The following SNX25 variants were observed in gnomAD, a reference collection of about 807,000 sequenced individuals.
The protein encoded by SNX25 is sorting nexin-25.
A neutral mutation model predicts 113.7 loss-of-function variants in SNX25; 62 were observed. The observed-to-expected ratio is 0.55, with a 90% confidence interval of 0.44 to 0.67. The LOEUF (loss-of-function observed/expected upper bound fraction) is 0.67, where lower values mean the gene tolerates loss of function less well. Among genes scored for constraint, SNX25 ranks in the 30% least tolerant of loss-of-function variants. The pLI, the probability that SNX25 is intolerant of heterozygous loss-of-function variation, is 0.00. For synonymous variants in SNX25, 421 were observed against 436.2 expected, an observed-to-expected ratio of 0.97 and a Z score of 0.43; for missense variants, 1,014 against 1,161.0, an observed-to-expected ratio of 0.87 and a Z score of 1.84.
intron 1 of SNX25, among the ~76,000 whole-genome samples, chr4:185,234,980 C>T (rs1210072441): frequency 2.6e-5 from 4 of 152,156 alleles, no homozygotes; most frequent in Non-Finnish European, 5.9e-5. Context: ...ATGTAATATG[C>T]TTTTGTCATG....
At chr4:185,296,622 C>T (rs1338337867) in intron 6 of SNX25, among the ~76,000 whole-genome samples, 1 of 151,880 alleles carries the variant, frequency 6.6e-6, no homozygotes, top group Non-Finnish European at 1.5e-5. Flanking sequence ...TAATTGAAAT[C>T]ATAGAACTAA....
At chr4:185,375,769 T>C in the SNX25 span, 6 of 1,357,800 alleles carry the variant, frequency 4.4e-6, no homozygotes, top group African/African-American at 5.8e-5. Flanking sequence ...TATTATGATC[T>C]TAAAGTAATC....
At chr4:185,242,760 C>G (rs149178230) in intron 1 of SNX25, among the ~76,000 whole-genome samples, 1 of 152,254 alleles carries the variant, frequency 6.6e-6, no homozygotes, top group East Asian at 1.9e-4. Context: ...GCAGGGGCCC[C>G]TGAGAGTAGA....
chr4:185,228,779 T>C (rs1741386920), intron 1 of SNX25, among the ~76,000 whole-genome samples: 1 of 152,216 alleles, frequency 6.6e-6, no homozygotes, highest in African/African-American at 2.4e-5. Flanking sequence ...GAACCGTTTA[T>C]TGGGCCCTCA....
At chr4:185,354,624 T>C (rs1434556390) in intron 15 of SNX25, among the ~76,000 whole-genome samples, 1 of 152,174 alleles carries the variant, frequency 6.6e-6, no homozygotes, top group Non-Finnish European at 1.5e-5. Context: ...CATTGTAAAA[T>C]GGGGATCAAA....
intron 2 of SNX25, among the ~76,000 whole-genome samples, chr4:185,255,437 A>G (rs1320052707): frequency 1.3e-5 from 2 of 152,054 alleles, no homozygotes; most frequent in Non-Finnish European, 2.9e-5. Flanking sequence ...CCCAGCCCGT[A>G]CTTTTTATAT....
At chr4:185,281,965 G>A (rs1362802966) in intron 5 of SNX25, among the ~76,000 whole-genome samples, 3 of 152,032 alleles carry the variant, frequency 2.0e-5, no homozygotes, top group East Asian at 3.9e-4. Context: ...GCAGTGAGTC[G>A]AGATTGCACC....
intron 1 of SNX25, among the ~76,000 whole-genome samples, chr4:185,226,396 A>G (rs764327260): frequency 9.9e-5 from 15 of 152,248 alleles, no homozygotes; most frequent in Non-Finnish European, 2.2e-4. Context: ...AAAACAAAGA[A>G]GAGGAAGCTT....
Position 185,247,316 on chromosome 4 carries a change from A to C in SNX25, c.452A>C (p.His151Pro), listed in dbSNP as rs759130116. 51 of 1,605,456 alleles carry C rather than the reference A, an allele frequency of 3.2e-5. No homozygotes were observed. The highest frequency in any genetic ancestry group is 4.0e-5 in the Non-Finnish European group (47 of 1,176,856). Residue 151 changes from histidine to proline, a missense_variant, in exon 2 of 19, where the codon CAT becomes CCT. By Grantham distance (77) the His-to-Pro change is moderately conservative. Transcript: ENST00000652585. ...PPGSPVYGNS[H>P]ESAQSRRVVI... The stretch of plus-strand genomic sequence containing the variant: ...CAGAGTCCTGTGTATGGAAACTCAC[A>C]TGAGTCAGCTCAGTCTAGAAGGGTA...
At chr4:185,287,350 A>G (rs184217800) in intron 5 of SNX25, among the ~76,000 whole-genome samples, 2 of 152,348 alleles carry the variant, frequency 1.3e-5, no homozygotes. Flanking sequence ...TACTGATGCG[A>G]GTCCTGGTGC....
intron 7 of SNX25, among the ~76,000 whole-genome samples, chr4:185,311,272 A>G (rs937250641): frequency 6.6e-6 from 1 of 152,210 alleles, no homozygotes; most frequent in Non-Finnish European, 1.5e-5. Context: ...TATCTTGCCT[A>G]ATACCACATA....
At chr4:185,278,876 A>G (rs1054549402) in intron 5 of SNX25, among the ~76,000 whole-genome samples, 1 of 152,202 alleles carries the variant, frequency 6.6e-6, no homozygotes, top group Non-Finnish European at 1.5e-5. Flanking sequence ...GAGGAACAGT[A>G]GTAGAAAATA....
chr4:185,213,608 C>T (rs913518013), intron 1 of SNX25, among the ~76,000 whole-genome samples: 1 of 152,106 alleles, frequency 6.6e-6, no homozygotes, highest in East Asian at 1.9e-4. Flanking sequence ...TGTCCCGTGT[C>T]CAAGGTTGTC....
chr4:185,291,744 C>T (rs779679420), intron 6 of SNX25, among the ~76,000 whole-genome samples: 1 of 152,106 alleles, frequency 6.6e-6, no homozygotes, highest in African/African-American at 2.4e-5. Context: ...TCTGGTTTTG[C>T]GTCTCTGTTT....
At chr4:185,274,305 C>A (rs1251693944) in intron 5 of SNX25, among the ~76,000 whole-genome samples, 1 of 152,094 alleles carries the variant, frequency 6.6e-6, no homozygotes, top group Non-Finnish European at 1.5e-5. Context: ...ATGATCCACC[C>A]GCTTCTGCCT....
intron 13 of SNX25, among the ~76,000 whole-genome samples, chr4:185,349,920 A>C (rs2095306918): frequency 6.6e-6 from 1 of 152,270 alleles, no homozygotes; most frequent in Admixed American, 6.5e-5. Context: ...AAGGACATCA[A>C]GATGGGGGAG....
At chr4:185,340,541 T>G (rs2095254456) in intron 11 of SNX25, among the ~76,000 whole-genome samples, 1 of 152,048 alleles carries the variant, frequency 6.6e-6, no homozygotes, top group African/African-American at 2.4e-5. Flanking sequence ...ATAGAAACCC[T>G]CAGTAACTGC....
At chr4:185,279,471 C>A (rs74940207) in intron 5 of SNX25, among the ~76,000 whole-genome samples, 1 of 152,114 alleles carries the variant, frequency 6.6e-6, no homozygotes. Flanking sequence ...TTTTAAAAGC[C>A]CTTTAGTGGA....
At chr4:185,204,771 G>C (rs1737113728), upstream of SNX25, among the ~76,000 whole-genome samples, 1 of 152,234 alleles carries the variant, frequency 6.6e-6, no homozygotes, top group African/African-American at 2.4e-5. Flanking sequence ...ACAGAAGCTA[G>C]AGGTTGGAGT....
Sources: allele counts gnomAD v4.1 joint callset (sites outside exome capture counted in the v4.1 genomes callset), GRCh38; gene constraint gnomAD v4.1.1; transcripts MANE v1.5; gene names NCBI Gene and HGNC (gene_info 2026-07-23, HGNC 2026-07-21).